Variants in DNM3 observed in about 807,000 individuals in gnomAD.
DNM3 encodes the protein dynamin 3, also known as dynamin-3.
Under a neutral mutation model 101.6 loss-of-function variants are expected in DNM3, and 47 were observed. The ratio of observed to expected loss-of-function variants is 0.46; its 90% CI spans 0.37 to 0.59. DNM3 has a LOEUF of 0.59. Among genes scored for constraint, DNM3 ranks in the 20% least tolerant of loss-of-function variants. The probability of loss-of-function intolerance (pLI) is 0.00; values close to 1 mark genes in which losing one functional copy is unlikely to be tolerated. For synonymous variants in DNM3, 385 were observed against 387.9 expected (o/e 0.99, Z 0.09); for missense variants, 849 against 1,085.7 (o/e 0.78, Z 3.06).
At chr1:171,878,763 A>G (rs2036004393) in intron 1 of DNM3, among the ~76,000 whole-genome samples, 1 of 152,206 alleles carries the variant, frequency 6.6e-6, no homozygotes, top group South Asian at 2.1e-4. Flanking sequence ...GTACTTGGGT[A>G]CTGTTGGGAC....
intron 17 of DNM3, among the ~76,000 whole-genome samples, chr1:172,360,977 A>C (rs1323240506): frequency 6.6e-6 from 1 of 152,048 alleles, no homozygotes; most frequent in Non-Finnish European, 1.5e-5. Flanking sequence ...AGATTTATGA[A>C]TGAGAGCCAC....
intron 14 of DNM3, among the ~76,000 whole-genome samples, chr1:172,240,302 CTGCCTCTTTTTGAGTGTTTCTT>C (rs2061701599): frequency 6.6e-6 from 1 of 152,132 alleles, no homozygotes; most frequent in Admixed American, 6.6e-5. Context: ...CTCCTTAGTG[CTGCCTCTTTTTGAGTGTTTCTT>C]TGCCTCTTTT....
intron 13 of DNM3, among the ~76,000 whole-genome samples, chr1:172,118,824 T>G (rs2056104938): frequency 6.6e-6 from 1 of 151,876 alleles, no homozygotes; most frequent in Non-Finnish European, 1.5e-5. Context: ...CAAGTGCCCA[T>G]CTCTCATCAG....
chr1:171,972,942 T>C lies in DNM3; in HGVS notation c.236-14714T>C, dbSNP rs558979382. Reference sequence around the variant, plus strand: ...AGGGTGGAGCAGAGTTCTCTCTCAATACCCTGAAGTTATTTGCACAATTCT... The same window carrying C: ...AGGGTGGAGCAGAGTTCTCTCTCAACACCCTGAAGTTATTTGCACAATTCT... On this transcript the variant is annotated intron_variant, in intron 2 of 20. Coordinates refer to ENST00000627582, the MANE Select transcript of DNM3 (RefSeq NM_015569.5). Among the ~76,000 whole-genome samples the C allele has an allele frequency of 3.0e-4, 46 of 152,332 alleles. No individual in the cohort carries two copies. In the South Asian group the frequency reaches 8.3e-3, roughly 27 times the overall value.
intron 14 of DNM3, among the ~76,000 whole-genome samples, chr1:172,236,067 G>C (rs1238769325): frequency 6.6e-6 from 1 of 152,104 alleles, no homozygotes; most frequent in Admixed American, 6.6e-5. Context: ...TTTAGCTCTT[G>C]GGACTATAGT....
At chr1:172,090,351 C>T (rs1439414358) in intron 12 of DNM3, among the ~76,000 whole-genome samples, 4 of 152,060 alleles carry the variant, frequency 2.6e-5, no homozygotes, top group Non-Finnish European at 1.5e-5. Flanking sequence ...GGAGGAGATC[C>T]GAAGCCCTTA....
intron 1 of DNM3, among the ~76,000 whole-genome samples, chr1:171,893,184 C>G (rs1360136346): frequency 6.6e-6 from 1 of 152,116 alleles, no homozygotes; most frequent in African/African-American, 2.4e-5. Flanking sequence ...TCACATTCTG[C>G]ATTCTATTCT....
At chr1:172,278,358 T>A (rs1203663079) in intron 15 of DNM3, among the ~76,000 whole-genome samples, 1 of 148,540 alleles carries the variant, frequency 6.7e-6, no homozygotes, top group African/African-American at 2.6e-5. Context: ...CCTGGCCACA[T>A]TGGAAGAAGA....
chr1:172,407,571 A>G (rs766052164), intron 20 of DNM3, among the ~76,000 whole-genome samples: 3 of 151,996 alleles, frequency 2.0e-5, no homozygotes, highest in Non-Finnish European at 4.4e-5. Context: ...AAAGATTTGC[A>G]TATGAAAAAA....
chr1:172,255,131 A>G (rs1247618254), intron 15 of DNM3, among the ~76,000 whole-genome samples: 2 of 152,166 alleles, frequency 1.3e-5, no homozygotes, highest in African/African-American at 2.4e-5. Context: ...AAAGCAAGCC[A>G]TTTAAAGAAT....
intron 1 of DNM3, among the ~76,000 whole-genome samples, chr1:171,873,999 C>T (rs982304657): frequency 1.3e-5 from 2 of 152,096 alleles, no homozygotes; most frequent in African/African-American, 4.8e-5. Context: ...GTGAGAAGAC[C>T]TCTTGCCACA....
intron 4 of DNM3, among the ~76,000 whole-genome samples, chr1:172,005,479 C>T (rs1420811985): frequency 6.6e-6 from 1 of 151,980 alleles, no homozygotes; most frequent in African/African-American, 2.4e-5. Context: ...CATTGCATTA[C>T]ACTTCCTTCT....
intron 4 of DNM3, among the ~76,000 whole-genome samples, chr1:171,990,105 T>C (rs2045537911): frequency 6.6e-6 from 1 of 152,186 alleles, no homozygotes; most frequent in South Asian, 2.1e-4. Context: ...AATAGCATCA[T>C]GTTCTTGTTT....
In DNM3 at chr1:172,285,470, A is replaced by G. The variant is rs574524369; in HGVS notation, c.1770-23258A>G. On this transcript the variant is annotated intron_variant, in intron 15 of 20. Transcript: ENST00000627582. ...GTTGGTGATTTCCCTGGGTGGGGCC[A>G]GGGGACACAGCATCTTGGGCCCAAG... Among the ~76,000 whole-genome samples, 9 of 152,282 alleles carry G rather than the reference A, an allele frequency of 5.9e-5. No individual in the cohort carries two copies. The East Asian group carries it at 1.7e-3, about 29-fold the overall frequency.
At chr1:172,192,177 C>A (rs2059752147) in intron 14 of DNM3, among the ~76,000 whole-genome samples, 1 of 152,026 alleles carries the variant, frequency 6.6e-6, no homozygotes, top group Admixed American at 6.6e-5. Context: ...CCATCAATAC[C>A]TAGTTAATTG....
Position 172,279,496 on chromosome 1 carries a change from G to A in DNM3, c.1769+25814G>A, listed in dbSNP as rs116151823. ...ATTTTATCGTGAAAATGTTAAGTGC[G>A]CTTGTTCCATCTATATGCTGTTGAC... On this transcript the variant is annotated intron_variant, in intron 15 of 20. Coordinates refer to ENST00000627582, the MANE Select transcript of DNM3 (RefSeq NM_015569.5). Among the ~76,000 whole-genome samples, 633 of 152,132 alleles carry A rather than the reference G, an allele frequency of 4.2e-3. 11 individuals are homozygous for A. The highest frequency in any genetic ancestry group is 0.014 in the African/African-American group (594 of 41,506).
chr1:171,928,685 A>G (rs1395695184), intron 2 of DNM3, among the ~76,000 whole-genome samples: 1 of 152,144 alleles, frequency 6.6e-6, no homozygotes, highest in African/African-American at 2.4e-5. Flanking sequence ...CTGCAGAGGC[A>G]GTGGCAGAGA....
chr1:172,221,609 T>A (rs1215971773), intron 14 of DNM3, among the ~76,000 whole-genome samples: 1 of 152,154 alleles, frequency 6.6e-6, no homozygotes, highest in African/African-American at 2.4e-5. Context: ...TGATTTCCTA[T>A]GCCTGGGAAT....
downstream of DNM3, among the ~76,000 whole-genome samples, chr1:172,415,990 T>C (rs1448038707): frequency 6.6e-6 from 1 of 152,220 alleles, no homozygotes; most frequent in Non-Finnish European, 1.5e-5. Context: ...GTCTTTTATA[T>C]ATAAATTACA....
Sources: gnomAD v4.1 joint callset for allele counts (sites outside exome capture counted in the v4.1 genomes callset) on GRCh38, gnomAD v4.1.1 for gene constraint, MANE v1.5 for transcripts, NCBI Gene and HGNC (gene_info 2026-07-23, HGNC 2026-07-21) for gene names.